BDH1: variants seen among roughly 807,000 people sequenced by gnomAD.
The protein encoded by BDH1 is 3-hydroxybutyrate dehydrogenase 1.
In BDH1, 30 loss-of-function variants were observed where a neutral mutation model predicts 33.1. The observed-to-expected ratio is 0.91, with a 90% CI of 0.68 to 1.23. The LOEUF (loss-of-function observed/expected upper bound fraction) is 1.23. Among genes scored for constraint, BDH1 ranks in the 50% most tolerant of loss-of-function variants. BDH1 has a pLI of 0.00. For missense variants in BDH1, 443 were observed against 464.4 expected, an observed-to-expected ratio of 0.95 and a Z score of 0.42; for synonymous variants, 190 against 183.6, an observed-to-expected ratio of 1.03 and a Z score of -0.28.
intron 2 of BDH1, among the ~76,000 whole-genome samples, chr3:197,546,954 G>T (rs1284212704): frequency 6.6e-6 from 1 of 152,184 alleles, no homozygotes; most frequent in African/African-American, 2.4e-5. Flanking sequence ...CAGGCAGCTT[G>T]TCCTCATGCC....
intron 1 of BDH1, among the ~76,000 whole-genome samples, chr3:197,567,135 T>C (rs1055359781): frequency 1.3e-5 from 2 of 152,158 alleles, no homozygotes; most frequent in African/African-American, 4.8e-5. Context: ...TCCTAATAAC[T>C]TGGGACCTAC....
chr3:197,516,964 G>C lies in BDH1; in HGVS notation c.410-2548C>G, dbSNP rs1255911096. Among the ~76,000 whole-genome samples the C allele has an allele frequency of 6.6e-6, 1 of 152,242 alleles. No individual in the cohort carries two copies. The highest frequency in any genetic ancestry group is 2.1e-4 in the South Asian group (1 of 4,824). ...AGAGAGGTTAAGCACCTTGGTCAAT[G>C]TCACCCAGCTAACAGGCAGGGAGGG... is the stretch of plus-strand genomic sequence containing the variant. On this transcript the variant is annotated intron_variant, in intron 6 of 7. Coordinates refer to ENST00000392379, the MANE Select transcript of BDH1 (RefSeq NM_203314.3). This position sits in a 1 kb window ranked among gnomAD's most constrained non-coding sequence, Gnocchi z 4.2.
Position 197,525,156 on chromosome 3 carries a change from G to A in BDH1, c.268-2375C>T, listed in dbSNP as rs1282246512. On this transcript the variant is annotated intron_variant, in intron 5 of 7. Transcript: ENST00000392379. This position sits in a 1 kb window ranked among gnomAD's most constrained non-coding sequence, Gnocchi z 4.9. ...ACTAATGCATCTTCAGGTCTAGGGT[G>A]TGATGACGTGGTGCCTGCAGACCCC... Among the ~76,000 whole-genome samples, 1 of 152,182 alleles carries A rather than the reference G, an allele frequency of 6.6e-6. No homozygotes were observed. Among genetic ancestry groups the A allele is most frequent in the Non-Finnish European group, 1.5e-5 (1 of 68,030 alleles).
intron 6 of BDH1, chr3:197,515,741 C>A (rs923006212): frequency 4.8e-5 from 45 of 944,562 alleles, no homozygotes; most frequent in Non-Finnish European, 1.8e-5. Context: ...GAACTCTATC[C>A]TGTAATACAA....
chr3:197,520,548 G>C lies in BDH1; in HGVS notation c.409+2092C>G, dbSNP rs983455182. Among the ~76,000 whole-genome samples the C allele has an allele frequency of 1.3e-5, 2 of 152,166 alleles. No homozygotes were observed. The highest frequency in any genetic ancestry group is 2.9e-5 in the Non-Finnish European group (2 of 68,030). On this transcript the variant is annotated intron_variant, in intron 6 of 7. Coordinates refer to ENST00000392379, the MANE Select transcript of BDH1 (RefSeq NM_203314.3). The surrounding 1 kb of genome is among the most constrained non-coding windows in gnomAD (Gnocchi z 6.0). Reference sequence around the variant, plus strand: ...ATTCTGCCCCAGAGTCAGGGGGGCAGGGGACGAGGACCGCCAGCCTGAGCA... The same window carrying C: ...ATTCTGCCCCAGAGTCAGGGGGGCACGGGACGAGGACCGCCAGCCTGAGCA...
upstream of BDH1, among the ~76,000 whole-genome samples, chr3:197,557,978 C>T (rs1321264906): frequency 2.6e-5 from 4 of 152,186 alleles, no homozygotes; most frequent in African/African-American, 7.2e-5. The surrounding 1 kb of genome is among the most constrained non-coding windows in gnomAD (Gnocchi z 4.6). Flanking sequence ...TAAAATTACG[C>T]CTTGAGGATT....
In BDH1 at chr3:197,511,719, C is replaced by T. The variant is rs1218759730; in HGVS notation, c.*176G>A. On this transcript the variant is annotated 3_prime_UTR_variant, in exon 8 of 8. Transcript: ENST00000392379. The stretch of plus-strand genomic sequence containing the variant: ...CCACTCCACACCCTGTTTGTGAAGG[C>T]CCAAGTCACTCACTATGCAAAGAAG... 9.7e-6 allele frequency: 6 copies of T among 620,960 alleles called. No individual in the cohort carries two copies. Among genetic ancestry groups the T allele is most frequent in the African/African-American group, 7.4e-5 (4 of 53,990 alleles). 38.5% of individuals were successfully genotyped at this position (620,960 alleles called of 1,614,324 possible).
At position 197,516,089 on chromosome 3, in the gene BDH1, T is replaced by G. The variant is rs1328484365; in HGVS notation, c.410-1673A>C. Among the ~76,000 whole-genome samples, 1 of 152,170 alleles carries G rather than the reference T, an allele frequency of 6.6e-6. No homozygotes were observed. Among genetic ancestry groups the G allele is most frequent in the Non-Finnish European group, 1.5e-5 (1 of 68,028 alleles). On this transcript the variant is annotated intron_variant, in intron 6 of 7. Transcript: ENST00000392379. The surrounding 1 kb of genome is among the most constrained non-coding windows in gnomAD (Gnocchi z 4.2). ...CGATATGAGTACTGCCAGTACTCCT[T>G]GAGGCTCACCTCTCCCTCAGCATTA... is the stretch of plus-strand genomic sequence containing the variant.
At chr3:197,513,806 G>A (rs1048992443) in intron 7 of BDH1, among the ~76,000 whole-genome samples, 3 of 152,212 alleles carry the variant, frequency 2.0e-5, no homozygotes, top group Admixed American at 6.5e-5. Flanking sequence ...TGGTTTGGGT[G>A]TTTTGTTGGT....
chr3:197,549,179 A>AGGG (rs957219402), intron 2 of BDH1, among the ~76,000 whole-genome samples: 128 of 152,310 alleles, frequency 8.4e-4, no homozygotes, highest in African/African-American at 2.7e-3. Flanking sequence ...GACTGAGCAC[A>AGGG]GGGGGCTTGA....
chr3:197,547,284 C>T (rs1170444540), intron 2 of BDH1, among the ~76,000 whole-genome samples: 1 of 152,214 alleles, frequency 6.6e-6, no homozygotes, highest in African/African-American at 2.4e-5. Flanking sequence ...TCCTCCAGGC[C>T]TAAGGGAAGG....
chr3:197,533,599 C>G, intron 3 of BDH1, 38 bp from the exon 4 acceptor site: 11 of 1,600,154 alleles, frequency 6.9e-6, no homozygotes, highest in South Asian at 1.1e-5. Context: ...CAAGGACAGA[C>G]TAGACAGACC....
At chr3:197,536,658 T>C (rs927396983) in intron 3 of BDH1, among the ~76,000 whole-genome samples, 5 of 151,996 alleles carry the variant, frequency 3.3e-5, no homozygotes, top group African/African-American at 1.2e-4. Context: ...CTGGCCGACA[T>C]GGTGAAACCC....
intron 3 of BDH1, among the ~76,000 whole-genome samples, chr3:197,534,531 T>C (rs1714978334): frequency 6.6e-6 from 1 of 152,250 alleles, no homozygotes; most frequent in South Asian, 2.1e-4. Flanking sequence ...TAAAGCTGCT[T>C]GAACATTCCT....
Position 197,522,778 on chromosome 3 carries a change from T to G in BDH1, c.271A>C (p.Lys91Gln). The G allele has an allele frequency of 6.2e-7, 1 of 1,613,596 alleles. No individual in the cohort carries two copies. Among genetic ancestry groups the G allele is most frequent in the Admixed American group, 1.7e-5 (1 of 59,952 alleles). ...AGCTCCTTGACCCCATCATGGCCTT[T>G]GTCCTGGGGAGGAGAGAAGAGCTGC... The part of the protein sequence containing the change: ...LVFAGCLMKD[K>Q]GHDGVKELDS... Residue 91 changes from lysine to glutamine, a missense_variant, in exon 6 of 8, where the codon AAA (lysine) becomes CAA (glutamine). By Grantham distance (53) the Lys-to-Gln change is moderately conservative (BLOSUM62 1). Coordinates refer to ENST00000392379, the MANE Select transcript of BDH1 (RefSeq NM_203314.3). The surrounding 1 kb of genome is among the most constrained non-coding windows in gnomAD (Gnocchi z 4.8).
chr3:197,532,469 T>C lies in BDH1; in HGVS notation c.210A>G (p.Ser70=), dbSNP rs780438105. 1.4e-5 allele frequency: 23 copies of C among 1,614,074 alleles called. No homozygotes were observed. Among genetic ancestry groups the C allele is most frequent in the Non-Finnish European group, 1.8e-5 (21 of 1,180,032 alleles). Residue 70 remains serine, a synonymous_variant, in exon 5 of 8, where the codon TCA becomes TCG. Transcript: ENST00000392379. ...CTTTTGAATGCAGATGCTTGGCCAA[T>C]GAGAACCCAAATCCAGAGTCACAGC... ...VTGCDSGFGF[S]LAKHLHSKGF... is the part of the protein sequence containing the mutation.
chr3:197,533,574 A>C lies in BDH1; in HGVS notation c.84-13T>G. 1 of 1,613,824 alleles carries C rather than the reference A, an allele frequency of 6.2e-7. No individual in the cohort carries two copies. The highest frequency in any genetic ancestry group is 8.5e-7 in the Non-Finnish European group (1 of 1,179,670). ...CAATAGTGGGCGTCTGCAAGAGAAA[A>C]GGAAGCCGTGAGTACAAGGACAGAC... On this transcript the variant is annotated splice_polypyrimidine_tract_variant and intron_variant, in intron 3 of 7. Transcript: ENST00000392379.
intron 2 of BDH1, among the ~76,000 whole-genome samples, chr3:197,547,743 A>G (rs1216244437): frequency 6.6e-6 from 1 of 152,164 alleles, no homozygotes; most frequent in Non-Finnish European, 1.5e-5. Context: ...GGAGGCCCCT[A>G]GCTCACTGGG....
At position 197,526,937 on chromosome 3, in the gene BDH1, C is replaced by A. The variant is rs757046640; in HGVS notation, c.268-4156G>T. ...TCCAAGGCATTCATATGAAGCCCAC[C>A]TCATTTTACTTGCCATCAGAGGGAA... On this transcript the variant is annotated intron_variant, in intron 5 of 7. Coordinates refer to ENST00000392379, the MANE Select transcript of BDH1 (RefSeq NM_203314.3). The surrounding 1 kb of genome is among the most constrained non-coding windows in gnomAD (Gnocchi z 4.7). Among the ~76,000 whole-genome samples the A allele has an allele frequency of 2.0e-5, 3 of 152,204 alleles. No individual in the cohort carries two copies. Among genetic ancestry groups the A allele is most frequent in the Non-Finnish European group, 2.9e-5 (2 of 68,032 alleles).
Sources: allele counts gnomAD v4.1 joint callset (sites outside exome capture counted in the v4.1 genomes callset), GRCh38; gene constraint gnomAD v4.1.1; non-coding constraint Gnocchi (gnomAD v3.1); transcripts MANE v1.5; gene names NCBI Gene and HGNC (gene_info 2026-07-23, HGNC 2026-07-21).